DNAH17: variants seen among roughly 807,000 people sequenced by gnomAD.
The protein encoded by DNAH17 is axonemal beta dynein heavy chain 17.
A neutral mutation model predicts 485.6 loss-of-function variants in DNAH17; 376 were observed. The ratio of observed to expected loss-of-function variants is 0.77; its 90% CI spans 0.71 to 0.84. The LOEUF (loss-of-function observed/expected upper bound fraction) is 0.84, where lower values mean the gene tolerates loss of function less well. Ranked by LOEUF, DNAH17 falls within the 40% of genes least tolerant of loss-of-function variation. DNAH17 has a pLI of 0.00. For synonymous variants in DNAH17, 3,031 were observed against 2,405.9 expected, an observed-to-expected ratio of 1.26 and a Z score of -7.60; for missense variants, 6,370 against 5,839.3, an observed-to-expected ratio of 1.09 and a Z score of -2.96.
chr17:78,532,601 G>A lies in DNAH17; in HGVS notation c.2995C>T (p.Gln999Ter). Residue 999 changes from glutamine (Q) to a stop codon, truncating the protein, a stop_gained, in exon 20 of 81, where the codon CAG (glutamine) becomes TAG (stop). Transcript: ENST00000389840. LOFTEE classifies it high-confidence loss of function. ...ATCAGGAAATTCTTCATAAACTCCT[G>A]CAGGTTGTCCGTCCAGAGGTAGGAG... The part of the protein sequence containing the change: ...RYSYLWTDNL[Q>*]EFMKNFLIYG... 6.2e-7 allele frequency: 1 copy of A among 1,607,908 alleles called. No individual in the cohort carries two copies.
intron 18 of DNAH17, among the ~76,000 whole-genome samples, chr17:78,538,478 G>C (rs1409801724): frequency 6.6e-6 from 1 of 152,226 alleles, no homozygotes; most frequent in Non-Finnish European, 1.5e-5. Flanking sequence ...CATTGGACCT[G>C]TGGGTTATGA....
In DNAH17 at chr17:78,423,821, T is replaced by G; in HGVS notation, c.*85A>C. On this transcript the variant is annotated 3_prime_UTR_variant, in exon 81 of 81. Transcript: ENST00000389840. Reference sequence around the variant, plus strand: ...AGAACGAAAAACCACCACCAGTTCCTGTAAAGAATAAGTCACAGGTGCACA... The same window carrying G: ...AGAACGAAAAACCACCACCAGTTCCGGTAAAGAATAAGTCACAGGTGCACA... 6.6e-7 allele frequency: 1 copy of G among 1,521,882 alleles called. No individual in the cohort carries two copies. Among genetic ancestry groups the G allele is most frequent in the Non-Finnish European group, 8.9e-7 (1 of 1,118,516 alleles). The allele number at this position is 1,521,882 out of a possible 1,614,324, so 94.3% of individuals were successfully genotyped here. A position where few individuals can be genotyped will look rare whatever the true frequency, so the allele number is the denominator to read the frequency against.
Position 78,494,717 on chromosome 17 carries a change from C to T in DNAH17, c.6146G>A (p.Arg2049Gln), listed in dbSNP as rs537678503. Residue 2049 changes from arginine (R) to glutamine (Q), a missense_variant, in exon 40 of 81, where the codon CGG becomes CAG. By Grantham distance (43) the Arg-to-Gln change is conservative. Transcript: ENST00000389840. ...PSRAEDQVLMRALRDFNIPKI... is the reference protein window; with the variant it reads ...PSRAEDQVLMQALRDFNIPKI... The stretch of plus-strand genomic sequence containing the variant: ...GGGGATGTTGAAGTCTCTCAGCGCC[C>T]GCATGAGCACCTGGTCCTCTGCCCG... 53 of 1,613,876 alleles carry T rather than the reference C, an allele frequency of 3.3e-5. No homozygotes were observed. Among genetic ancestry groups the T allele is most frequent in the Middle Eastern group, 1.6e-4 (1 of 6,062 alleles).
At chr17:78,566,270 C>T (rs1003964488) in intron 11 of DNAH17, among the ~76,000 whole-genome samples, 5 of 152,220 alleles carry the variant, frequency 3.3e-5, no homozygotes, top group Admixed American at 6.5e-5. Context: ...TTTATTTTTA[C>T]ACCAACTTTA....
intron 55 of DNAH17, among the ~76,000 whole-genome samples, chr17:78,467,920 A>G (rs1430684912): frequency 6.6e-6 from 1 of 151,522 alleles, no homozygotes; most frequent in Non-Finnish European, 1.5e-5. Context: ...CAGGAAGCTG[A>G]GGCTGGAGAA....
intron 75 of DNAH17, among the ~76,000 whole-genome samples, chr17:78,430,063 C>T (rs2086620709): frequency 6.6e-6 from 1 of 152,236 alleles, no homozygotes; most frequent in African/African-American, 2.4e-5. Flanking sequence ...TTCATGCTTC[C>T]TTGCAGTCTC....
At chr17:78,503,169 C>T (rs1489965128) in intron 31 of DNAH17, 158 bp from the exon 32 acceptor site, 8 of 127,600 alleles carry the variant, frequency 6.3e-5, no homozygotes, top group Admixed American at 3.6e-4. Context: ...AGTGACACAC[C>T]TTTTTTTTTT....
chr17:78,502,234 G>A (rs2090322408), intron 33 of DNAH17: 1 of 352,216 alleles, frequency 2.8e-6, no homozygotes, highest in South Asian at 4.2e-5. Context: ...GCAGTGTCAT[G>A]CTTGGGTTGT....
Position 78,465,472 on chromosome 17 carries a change from C to T in DNAH17, c.8940+1183G>A, listed in dbSNP as rs1343981443. Among the ~76,000 whole-genome samples the T allele has an allele frequency of 2.9e-5, 4 of 136,204 alleles. No homozygotes were observed. In the South Asian group the frequency reaches 7.7e-4, roughly 26 times the overall value. 89.4% of individuals were successfully genotyped at this position (136,204 alleles called of 152,430 possible). ...GCGTCTCCGCCCGGCTGCCATCCCACCTAGGAAGTGAGGAACACCTCTTCC... is the reference window on the plus strand; with the variant it reads ...GCGTCTCCGCCCGGCTGCCATCCCATCTAGGAAGTGAGGAACACCTCTTCC... On this transcript the variant is annotated intron_variant, in intron 56 of 80. Transcript: ENST00000389840.
intron 26 of DNAH17, among the ~76,000 whole-genome samples, chr17:78,511,402 C>A (rs1345520381): frequency 4.6e-5 from 7 of 152,226 alleles, no homozygotes; most frequent in Non-Finnish European, 1.5e-5. Context: ...GCCACCGCAC[C>A]CCCGGCTAGA....
At chr17:78,460,063 G>A (rs1816313821) in intron 59 of DNAH17, 62 bp from the exon 60 acceptor site, 20 of 1,595,940 alleles carry the variant, frequency 1.3e-5, no homozygotes, top group Admixed American at 3.5e-5. Context: ...GTGATGCCCC[G>A]AAGAAGCCGC....
chr17:78,575,523 C>G (rs147548444), intron 1 of DNAH17, among the ~76,000 whole-genome samples: 3 of 152,166 alleles, frequency 2.0e-5, no homozygotes, highest in Non-Finnish European at 2.9e-5. Context: ...ATGTGTGAAA[C>G]GCAAGAAGGA....
intron 48 of DNAH17, among the ~76,000 whole-genome samples, chr17:78,482,648 G>A (rs1157525770): frequency 1.3e-5 from 2 of 152,060 alleles, no homozygotes; most frequent in Non-Finnish European, 2.9e-5. Context: ...CCACCTCACA[G>A]CTCACCCTTT....
intron 42 of DNAH17, among the ~76,000 whole-genome samples, 163 bp from the exon 43 acceptor site, chr17:78,491,733 G>A (rs372293335): frequency 3.9e-5 from 6 of 152,100 alleles, no homozygotes; most frequent in African/African-American, 1.4e-4. Flanking sequence ...CCTGCCCTCC[G>A]TTCTCTGTGG....
At chr17:78,573,883 CAGGA>C (rs1193808723) in intron 2 of DNAH17, among the ~76,000 whole-genome samples, 10 of 152,112 alleles carry the variant, frequency 6.6e-5, no homozygotes, top group African/African-American at 2.2e-4. Context: ...GAGTGATGAC[CAGGA>C]AGGATAAGGC....
chr17:78,444,572 G>A, intron 71 of DNAH17, 32 bp downstream of exon 71: 3 of 1,526,224 alleles, frequency 2.0e-6, no homozygotes, highest in Non-Finnish European at 2.6e-6. Context: ...TGGGCCTCGG[G>A]GGCGGGGCCC....
chr17:78,558,921 C>T (rs1040973867), intron 13 of DNAH17, among the ~76,000 whole-genome samples: 1 of 152,172 alleles, frequency 6.6e-6, no homozygotes, highest in African/African-American at 2.4e-5. Flanking sequence ...CATGGGATCG[C>T]CCAGCCGCTG....
chr17:78,512,773 T>TA (rs1403143259), intron 26 of DNAH17, among the ~76,000 whole-genome samples: 1 of 151,894 alleles, frequency 6.6e-6, no homozygotes, highest in Admixed American at 6.6e-5. Flanking sequence ...ACCCTGTCTC[T>TA]ACTAAAAATA....
At chr17:78,527,612 G>A (rs2091114181) in intron 22 of DNAH17, among the ~76,000 whole-genome samples, 1 of 151,976 alleles carries the variant, frequency 6.6e-6, no homozygotes, top group Non-Finnish European at 1.5e-5. Flanking sequence ...TACAACAGAG[G>A]AATTCCCTTT....
Sources: allele counts gnomAD v4.1 joint callset (sites outside exome capture counted in the v4.1 genomes callset), GRCh38; gene constraint gnomAD v4.1.1; transcripts MANE v1.5; gene names NCBI Gene and HGNC (gene_info 2026-07-23, HGNC 2026-07-21).